SPATA6L: variants seen among roughly 807,000 people sequenced by gnomAD.
SPATA6L encodes the protein spermatogenesis associated 6 like.
Under a neutral mutation model 49.2 loss-of-function variants are expected in SPATA6L, and 68 were observed. That is an observed-to-expected ratio of 1.38 (90% CI 1.14 to 1.69). The LOEUF is 1.69. SPATA6L is among the 40% of genes most tolerant of loss of function. SPATA6L has a pLI of 0.00. For missense variants in SPATA6L, 668 were observed against 464.3 expected, an observed-to-expected ratio of 1.44 and a Z score of -4.03; for synonymous variants, 198 against 165.7, an observed-to-expected ratio of 1.19 and a Z score of -1.50.
At chr9:4,597,319 TACACACACACACAC>T (rs57570250), downstream of SPATA6L, among the ~76,000 whole-genome samples, 530 of 143,998 alleles carry the variant, frequency 3.7e-3, 6 homozygotes, top group South Asian at 0.028. Flanking sequence ...GAAAACAAAA[TACACACACACACAC>T]ACACACACAC....
At chr9:4,611,972 T>G (rs1826862538) in intron 9 of SPATA6L, among the ~76,000 whole-genome samples, 1 of 151,664 alleles carries the variant, frequency 6.6e-6, no homozygotes, top group South Asian at 2.1e-4. Context: ...GCCTCCCAGG[T>G]AGAGAGGACC....
At chr9:4,663,361 A>C in intron 1 of SPATA6L, 1 of 1,280,078 alleles carries the variant, frequency 7.8e-7, no homozygotes, top group Admixed American at 2.1e-5. Flanking sequence ...CCTCTTAGGC[A>C]TTTCAGGCTT....
At chr9:4,647,862 C>T (rs1835776672) in intron 3 of SPATA6L, among the ~76,000 whole-genome samples, 1 of 148,526 alleles carries the variant, frequency 6.7e-6, no homozygotes, top group Non-Finnish European at 1.5e-5. Context: ...TGAACCAGGG[C>T]CTCACTCTGT....
intron 4 of SPATA6L, among the ~76,000 whole-genome samples, chr9:4,634,854 T>C (rs1280124487): frequency 6.6e-6 from 1 of 152,200 alleles, no homozygotes; most frequent in Non-Finnish European, 1.5e-5. Context: ...GTTTCCTCTT[T>C]GTTAAATGGA....
intron 3 of SPATA6L, among the ~76,000 whole-genome samples, chr9:4,652,083 TAAAC>T (rs1837015838): frequency 6.6e-6 from 1 of 152,180 alleles, no homozygotes; most frequent in Non-Finnish European, 1.5e-5. Context: ...CTAAAACTAA[TAAAC>T]AAGTTCAGTA....
chr9:4,633,006 A>AAAAC (rs1436030445), intron 4 of SPATA6L: 1 of 152,412 alleles, frequency 6.6e-6, no homozygotes. Flanking sequence ...CATCAAAACA[A>AAAAC]AAACAAACAA....
chr9:4,641,738 TAGA>T (rs755888256), intron 3 of SPATA6L, among the ~76,000 whole-genome samples: 8 of 152,184 alleles, frequency 5.3e-5, no homozygotes, highest in Non-Finnish European at 1.2e-4. Flanking sequence ...AAATGCATTT[TAGA>T]AGGTTTAAAA....
intron 5 of SPATA6L, chr9:4,626,246 C>T (rs1830324217): frequency 2.3e-6 from 1 of 432,842 alleles, no homozygotes; most frequent in South Asian, 4.4e-5. Flanking sequence ...ATAGCCTTTC[C>T]CCTATTATGC....
chr9:4,649,976 A>G (rs891297464), intron 3 of SPATA6L, among the ~76,000 whole-genome samples: 2 of 152,224 alleles, frequency 1.3e-5, no homozygotes, highest in Non-Finnish European at 2.9e-5. Context: ...CTGCTTTTTA[A>G]GATTCAGGTA....
rs1822510018 is a variant in SPATA6L, at chr9:4,598,466, T to C, written c.*2345A>G. Among the ~76,000 whole-genome samples the C allele has an allele frequency of 6.6e-6, 1 of 151,866 alleles. No individual in the cohort carries two copies. Among genetic ancestry groups the C allele is most frequent in the Non-Finnish European group, 1.5e-5 (1 of 68,002 alleles). On this transcript the variant is annotated 3_prime_UTR_variant, in exon 12 of 12. Transcript: ENST00000682582. Reference sequence around the variant, plus strand: ...CATGATTCCTCAAAATTGAGATAACTCCTTGAGAAACAAAAGTAAAAATAA... The same window carrying C: ...CATGATTCCTCAAAATTGAGATAACCCCTTGAGAAACAAAAGTAAAAATAA...
intron 5 of SPATA6L, 61 bp from the exon 6 acceptor site, chr9:4,625,627 C>T (rs955318705): frequency 4.1e-5 from 48 of 1,164,788 alleles, no homozygotes; most frequent in Non-Finnish European, 5.5e-5. Context: ...AAAATTCAAT[C>T]AGAATATAAC....
intron 3 of SPATA6L, among the ~76,000 whole-genome samples, chr9:4,638,711 C>CTA (rs1833363301): frequency 6.6e-6 from 1 of 152,142 alleles, no homozygotes; most frequent in South Asian, 2.1e-4. Flanking sequence ...ATTTCCCCAG[C>CTA]TATCACTAGC....
intron 3 of SPATA6L, among the ~76,000 whole-genome samples, chr9:4,638,556 T>A (rs1248019639): frequency 1.3e-5 from 2 of 151,988 alleles, no homozygotes; most frequent in Admixed American, 1.3e-4. Flanking sequence ...CATTTACTAG[T>A]CTCATCCTGG....
At position 4,662,413 on chromosome 9, in the gene SPATA6L, T is replaced by C. The variant is rs1398442170; in HGVS notation, c.40-377A>G. 6 of 1,537,198 alleles carry C rather than the reference T, an allele frequency of 3.9e-6. No individual in the cohort carries two copies. The highest frequency in any genetic ancestry group is 2.3e-4 in the Middle Eastern group (1 of 4,368). ...CGGAGGAGCATGGAGGGACGGCCGC[T>C]GGGCGTCTCCGCTTCGAGCAGCAGC... On this transcript the variant is annotated intron_variant, in intron 1 of 11. Coordinates refer to ENST00000682582, the MANE Select transcript of SPATA6L (RefSeq NM_001353486.2). The surrounding 1 kb of genome is among the most constrained non-coding windows in gnomAD (Gnocchi z 4.9).
intron 11 of SPATA6L, among the ~76,000 whole-genome samples, chr9:4,603,340 G>C (rs1029631624): frequency 6.6e-6 from 1 of 152,148 alleles, no homozygotes; most frequent in Non-Finnish European, 1.5e-5. Flanking sequence ...TGAGGCAGGA[G>C]AATCACTTGA....
At chr9:4,597,820 C>T (rs574028059), downstream of SPATA6L, among the ~76,000 whole-genome samples, 3 of 152,276 alleles carry the variant, frequency 2.0e-5, no homozygotes, top group African/African-American at 7.2e-5. Flanking sequence ...TCCGGTGGTA[C>T]TAGTGGGTTC....
chr9:4,629,296 A>C (rs4742026), intron 4 of SPATA6L, 128 bp from the exon 5 acceptor site: 38,447 of 595,150 alleles, frequency 0.065, 2,321 homozygotes, highest in African/African-American at 0.19. Context: ...ACATTATCTA[A>C]AATATATATG....
chr9:4,612,974 T>A (rs1400694000), intron 9 of SPATA6L, among the ~76,000 whole-genome samples: 2 of 151,996 alleles, frequency 1.3e-5, no homozygotes, highest in Admixed American at 1.3e-4. Flanking sequence ...ACACCTATAA[T>A]CCCAGCACTT....
downstream of SPATA6L, among the ~76,000 whole-genome samples, chr9:4,596,034 T>G (rs1822226785): frequency 6.6e-6 from 1 of 152,174 alleles, no homozygotes; most frequent in South Asian, 2.1e-4. Context: ...CACCATTATT[T>G]CAAACTCAAC....
Sources: allele counts gnomAD v4.1 joint callset (sites outside exome capture counted in the v4.1 genomes callset), GRCh38; gene constraint gnomAD v4.1.1; non-coding constraint Gnocchi (gnomAD v3.1); transcripts MANE v1.5; gene names NCBI Gene and HGNC (gene_info 2026-07-23, HGNC 2026-07-21).